The following ERBB4 variants were observed in gnomAD, a reference collection of about 807,000 sequenced individuals.
ERBB4 encodes the protein erb-b2 receptor tyrosine kinase 4.
Under a neutral mutation model 158.0 loss-of-function variants are expected in ERBB4, and 42 were observed. The ratio of observed to expected loss-of-function variants is 0.27; its 90% confidence interval spans 0.21 to 0.34. The LOEUF (loss-of-function observed/expected upper bound fraction) is 0.34, where lower values mean the gene tolerates loss of function less well. ERBB4 is among the 10% of genes least tolerant of loss of function. The pLI, the probability that ERBB4 is intolerant of heterozygous loss-of-function variation, is 1.00. For synonymous variants in ERBB4, 583 were observed against 558.7 expected, an observed-to-expected ratio of 1.04 and a Z score of -0.61; for missense variants, 1,333 against 1,624.1, an observed-to-expected ratio of 0.82 and a Z score of 3.08.
At chr2:211,531,246 C>T (rs10932382) in intron 20 of ERBB4, among the ~76,000 whole-genome samples, 28,997 of 152,018 alleles carry the variant, frequency 0.19, 3,560 homozygotes, top group East Asian at 0.46. Flanking sequence ...TTTTGAGACA[C>T]TGGAGTGGGC....
rs200405537 is a variant in ERBB4, at chr2:211,739,237, CTT to C, written c.622+11400_622+11401del. On this transcript the variant is annotated intron_variant, in intron 5 of 27. Coordinates refer to ENST00000342788, the MANE Select transcript of ERBB4 (RefSeq NM_005235.3). ...TAAGTGAGCCATTTATTCATACTCTCTTTGTTAAATAATCTATGCTTTTGTCA... is the reference window on the plus strand; with the variant it reads ...TAAGTGAGCCATTTATTCATACTCTCTGTTAAATAATCTATGCTTTTGTCA... 5.0e-3 allele frequency among the ~76,000 whole-genome samples: 757 copies of C among 152,106 alleles called. 32 individuals are homozygous for C. Among genetic ancestry groups the C allele is most frequent in the Admixed American group, 0.043 (648 of 15,244 alleles).
intron 1 of ERBB4, among the ~76,000 whole-genome samples, chr2:212,250,172 T>C (rs1353235948): frequency 2.6e-5 from 4 of 152,014 alleles, no homozygotes; most frequent in Non-Finnish European, 4.4e-5. Context: ...CTGTAATGTC[T>C]CTAAGCTTTA....
chr2:211,406,701 A>C (rs943514603), intron 25 of ERBB4, among the ~76,000 whole-genome samples: 5 of 152,180 alleles, frequency 3.3e-5, no homozygotes, highest in Non-Finnish European at 7.3e-5. Context: ...CGGTTTACCC[A>C]CAAAAGTGAT....
At chr2:211,896,806 A>G (rs150594476) in intron 3 of ERBB4, among the ~76,000 whole-genome samples, 19 of 152,234 alleles carry the variant, frequency 1.2e-4, no homozygotes, top group East Asian at 9.6e-4. Flanking sequence ...GCTGTTTAAA[A>G]TTATTTTGAA....
rs2072613816 is a variant in ERBB4, at chr2:211,687,508, T to TTGTTTGTC, written c.1490-8325_1490-8324insGACAAACA. Among the ~76,000 whole-genome samples, 4 of 151,932 alleles carry TTGTTTGTC rather than the reference T, an allele frequency of 2.6e-5. 1 individual carries two copies. The South Asian group carries it at 8.3e-4, about 32-fold the overall frequency. Reference sequence around the variant, plus strand: ...GCTTGACTGAAGTTTGTTTGTTTGTTATTTTTAGCATTGTATGTTTGTTTG... The same window carrying TTGTTTGTC: ...GCTTGACTGAAGTTTGTTTGTTTGTTTGTTTGTCATTTTTAGCATTGTATGTTTGTTTG... On this transcript the variant is annotated intron_variant, in intron 12 of 27. Transcript: ENST00000342788.
chr2:211,485,870 G>T (rs1483589359), intron 20 of ERBB4, among the ~76,000 whole-genome samples: 1 of 151,680 alleles, frequency 6.6e-6, no homozygotes, highest in Non-Finnish European at 1.5e-5. Flanking sequence ...AAAAGAAAAA[G>T]AAAAGAAATA....
chr2:212,462,341 T>G (rs1038545112), intron 1 of ERBB4, among the ~76,000 whole-genome samples: 3 of 152,172 alleles, frequency 2.0e-5, no homozygotes, highest in Non-Finnish European at 4.4e-5. Context: ...GAGAGAATAT[T>G]TGCAAACTAT....
At chr2:212,214,302 T>C (rs772930442) in intron 1 of ERBB4, among the ~76,000 whole-genome samples, 4 of 151,864 alleles carry the variant, frequency 2.6e-5, no homozygotes, top group Admixed American at 6.6e-5. Context: ...ATATATCTAG[T>C]GCAATTGAGA....
chr2:211,610,251 C>G (rs1224564303), intron 19 of ERBB4, among the ~76,000 whole-genome samples: 1 of 152,040 alleles, frequency 6.6e-6, no homozygotes, highest in Non-Finnish European at 1.5e-5. Context: ...TTGCAATTAT[C>G]ACAGCATAGT....
At chr2:211,564,113 A>C (rs1175650172) in intron 19 of ERBB4, among the ~76,000 whole-genome samples, 3 of 152,202 alleles carry the variant, frequency 2.0e-5, no homozygotes, top group Non-Finnish European at 4.4e-5. Flanking sequence ...ACAATCACAG[A>C]AAGGAGGCAA....
Position 212,168,799 on chromosome 2 carries a change from C to A in ERBB4, c.83-43896G>T, listed in dbSNP as rs144712991. On this transcript the variant is annotated intron_variant, in intron 1 of 27. Coordinates refer to ENST00000342788, the MANE Select transcript of ERBB4 (RefSeq NM_005235.3). The stretch of plus-strand genomic sequence containing the variant: ...GAAATGATCAAGTGGACTTGTGCTG[C>A]TAATGAGGCCCATGCCTGAAGCACA... Among the ~76,000 whole-genome samples the A allele has an allele frequency of 2.6e-5, 4 of 152,228 alleles. No homozygotes were observed. The South Asian group carries it at 8.3e-4, about 32-fold the overall frequency.
At chr2:212,232,447 A>C (rs1976839) in intron 1 of ERBB4, among the ~76,000 whole-genome samples, 88,085 of 151,890 alleles carry the variant, frequency 0.58, 25,891 homozygotes, top group East Asian at 0.76. Flanking sequence ...CTTGCTCTGT[A>C]ACCCAGGCTG....
At chr2:211,509,330 A>G (rs1017778318) in intron 20 of ERBB4, among the ~76,000 whole-genome samples, 6 of 152,284 alleles carry the variant, frequency 3.9e-5, no homozygotes, top group East Asian at 3.9e-4. Flanking sequence ...CTGTACATGT[A>G]TCCCAGAACT....
intron 1 of ERBB4, among the ~76,000 whole-genome samples, chr2:212,196,218 T>C (rs912724023): frequency 2.0e-5 from 3 of 152,204 alleles, no homozygotes; most frequent in Non-Finnish European, 4.4e-5. Flanking sequence ...ATATGTATTA[T>C]ATACTTTATT....
At chr2:212,337,235 G>C (rs1320106534) in intron 1 of ERBB4, among the ~76,000 whole-genome samples, 2 of 151,930 alleles carry the variant, frequency 1.3e-5, no homozygotes, top group East Asian at 1.9e-4. Context: ...TCTTCCTTTT[G>C]TATCATTTGG....
intron 1 of ERBB4, among the ~76,000 whole-genome samples, chr2:212,368,780 A>G (rs1037505259): frequency 1.3e-5 from 2 of 152,142 alleles, no homozygotes; most frequent in African/African-American, 2.4e-5. Context: ...CTTGGTAATC[A>G]TAACCAATCA....
intron 3 of ERBB4, among the ~76,000 whole-genome samples, chr2:211,923,793 G>A (rs1051786932): frequency 2.0e-5 from 3 of 152,018 alleles, no homozygotes; most frequent in Non-Finnish European, 4.4e-5. Flanking sequence ...CACAATCTCG[G>A]CTCACTGTAA....
intron 20 of ERBB4, among the ~76,000 whole-genome samples, chr2:211,517,603 C>T (rs995583985): frequency 7.2e-5 from 11 of 152,108 alleles, no homozygotes; most frequent in Non-Finnish European, 1.6e-4. Context: ...ATTAGGCACA[C>T]CTTGCCTAAA....
chr2:211,762,524 C>T (rs2075441171), intron 4 of ERBB4, among the ~76,000 whole-genome samples: 1 of 152,058 alleles, frequency 6.6e-6, no homozygotes, highest in South Asian at 2.1e-4. Context: ...AAACAGAAAC[C>T]CATGGATGGA....
Sources: gnomAD v4.1 joint callset for allele counts (sites outside exome capture counted in the v4.1 genomes callset) on GRCh38, gnomAD v4.1.1 for gene constraint, MANE v1.5 for transcripts, NCBI Gene and HGNC (gene_info 2026-07-23, HGNC 2026-07-21) for gene names.